COX10: variants seen among roughly 807,000 people sequenced by gnomAD.
COX10 encodes the protein protoheme IX farnesyltransferase, mitochondrial.
In COX10, 27 loss-of-function variants were observed where a neutral mutation model predicts 37.3. The observed-to-expected ratio is 0.72, with a 90% CI of 0.53 to 1.00. The LOEUF (loss-of-function observed/expected upper bound fraction) is 1.00, where lower values mean the gene tolerates loss of function less well. COX10 is among the 50% of genes least tolerant of loss of function. The pLI is 0.00. For missense variants in COX10, 475 were observed against 563.2 expected, an observed-to-expected ratio of 0.84 and a Z score of 1.59; for synonymous variants, 222 against 229.1, an observed-to-expected ratio of 0.97 and a Z score of 0.28.
intron 4 of COX10, among the ~76,000 whole-genome samples, chr17:14,129,505 T>A (rs1916417287): frequency 6.6e-6 from 1 of 152,226 alleles, no homozygotes; most frequent in Non-Finnish European, 1.5e-5. Flanking sequence ...TTTATGTCTT[T>A]TGTAATCTTT....
intron 4 of COX10, among the ~76,000 whole-genome samples, chr17:14,115,717 C>G (rs1916097099): frequency 6.6e-6 from 1 of 152,132 alleles, no homozygotes; most frequent in African/African-American, 2.4e-5. Context: ...GAAATAATGT[C>G]TTGTGCAGCA....
At chr17:14,101,275 C>T (rs1915773516) in intron 3 of COX10, among the ~76,000 whole-genome samples, 1 of 152,154 alleles carries the variant, frequency 6.6e-6, no homozygotes, top group Non-Finnish European at 1.5e-5. Context: ...TTGGAATTAT[C>T]CATGTACCTG....
At chr17:14,080,166 A>G (rs1330108505) in intron 3 of COX10, among the ~76,000 whole-genome samples, 1 of 151,930 alleles carries the variant, frequency 6.6e-6, no homozygotes, top group Non-Finnish European at 1.5e-5. Flanking sequence ...TTTGTTTCTA[A>G]AAAGATAGTA....
chr17:14,115,418 T>C (rs1480881723), intron 4 of COX10, among the ~76,000 whole-genome samples: 1 of 152,152 alleles, frequency 6.6e-6, no homozygotes. Context: ...AGGGAACTCA[T>C]ACACTGTTGG....
At chr17:14,141,072 TGTTAAA>T (rs1904528813) in intron 4 of COX10, among the ~76,000 whole-genome samples, 1 of 152,024 alleles carries the variant, frequency 6.6e-6, no homozygotes, top group Non-Finnish European at 1.5e-5. Context: ...TGAGTTACGG[TGTTAAA>T]GTTATAGTGT....
intron 5 of COX10, among the ~76,000 whole-genome samples, chr17:14,165,390 A>G (rs1457086907): frequency 1.3e-5 from 2 of 152,154 alleles, no homozygotes; most frequent in Non-Finnish European, 2.9e-5. Context: ...TTTTATTATT[A>G]TATCTGACAT....
intron 4 of COX10, among the ~76,000 whole-genome samples, chr17:14,140,662 TG>T (rs1904512615): frequency 6.6e-6 from 1 of 152,182 alleles, no homozygotes; most frequent in African/African-American, 2.4e-5. Flanking sequence ...TTTATATTTT[TG>T]TTTTTCATGT....
intron 6 of COX10, among the ~76,000 whole-genome samples, chr17:14,196,407 A>C (rs1906368177): frequency 6.6e-6 from 1 of 152,190 alleles, no homozygotes; most frequent in African/African-American, 2.4e-5. Flanking sequence ...AGTCTACAGA[A>C]TTAAGTCATG....
At chr17:14,095,685 G>A (rs575874790) in intron 3 of COX10, among the ~76,000 whole-genome samples, 15 of 152,282 alleles carry the variant, frequency 9.9e-5, no homozygotes, top group African/African-American at 3.6e-4. Flanking sequence ...CAAGGTGTTG[G>A]TTGAGACTGT....
chr17:14,104,917 C>T (rs986802477), intron 4 of COX10, among the ~76,000 whole-genome samples: 28 of 151,970 alleles, frequency 1.8e-4, no homozygotes, highest in African/African-American at 6.8e-4. Flanking sequence ...CATTTGAAAC[C>T]GTAGTGTGGC....
At chr17:14,175,087 G>GT (rs1163021614) in intron 5 of COX10, among the ~76,000 whole-genome samples, 1 of 73,132 alleles carries the variant, frequency 1.4e-5, no homozygotes, top group Non-Finnish European at 3.2e-5. Context: ...AAATAGCGGG[G>GT]GGGGGGGGGG....
chr17:14,193,213 G>A (rs1238393357), intron 6 of COX10, among the ~76,000 whole-genome samples: 3 of 152,214 alleles, frequency 2.0e-5, no homozygotes, highest in Non-Finnish European at 4.4e-5. Context: ...AGCCGGCGGC[G>A]CTGCCTGGAT....
chr17:14,079,478 T>C (rs1915230604), intron 3 of COX10, among the ~76,000 whole-genome samples: 1 of 152,150 alleles, frequency 6.6e-6, no homozygotes, highest in Non-Finnish European at 1.5e-5. Flanking sequence ...GAGTATCATA[T>C]AGGAGAGGTG....
intron 5 of COX10, among the ~76,000 whole-genome samples, chr17:14,187,845 A>T (rs1044512746): frequency 6.6e-6 from 1 of 152,052 alleles, no homozygotes; most frequent in Non-Finnish European, 1.5e-5. Context: ...AAATAGCTTC[A>T]TTTTCGTTTG....
chr17:14,152,858 G>C (rs865929964), intron 4 of COX10, among the ~76,000 whole-genome samples: 1 of 152,162 alleles, frequency 6.6e-6, no homozygotes, highest in Non-Finnish European at 1.5e-5. Context: ...TCGGGGATCA[G>C]CTGCAACCCA....
chr17:14,151,204 G>C (rs1904882538), intron 4 of COX10, among the ~76,000 whole-genome samples: 1 of 152,136 alleles, frequency 6.6e-6, no homozygotes, highest in Non-Finnish European at 1.5e-5. Flanking sequence ...AATGCAGTAA[G>C]CCTAACTGAA....
At chr17:14,142,481 A>G (rs556970418) in intron 4 of COX10, among the ~76,000 whole-genome samples, 1 of 152,340 alleles carries the variant, frequency 6.6e-6, no homozygotes, top group African/African-American at 2.4e-5. Context: ...GTTATTTATG[A>G]GCATTTAAAA....
At chr17:14,076,599 C>T (rs191635124) in intron 2 of COX10, 136 bp from the exon 3 acceptor site, 23 of 814,504 alleles carry the variant, frequency 2.8e-5, no homozygotes, top group African/African-American at 8.5e-5. Context: ...AAATACATGC[C>T]GAATTAACAG....
At chr17:14,182,079 T>G (rs72816683) in intron 5 of COX10, 72,742 of 981,860 alleles carry the variant, frequency 0.074, 4,978 homozygotes, top group African/African-American at 0.33. Flanking sequence ...CTTTCAGAAC[T>G]CATTCAGCGT....
Sources: gnomAD v4.1 joint callset for allele counts (sites outside exome capture counted in the v4.1 genomes callset) on GRCh38, gnomAD v4.1.1 for gene constraint, MANE v1.5 for transcripts, NCBI Gene and HGNC (gene_info 2026-07-23, HGNC 2026-07-21) for gene names.